B3GALT1: variants seen among roughly 807,000 people sequenced by gnomAD.
B3GALT1 encodes beta-1,3-galactosyltransferase 1, also known as UDP-Gal:betaGlcNAc beta 1,3-galactosyltransferase, polypeptide 1.
Under a neutral mutation model 23.2 loss-of-function variants are expected in B3GALT1, and 10 were observed. The observed-to-expected ratio is 0.43, with a 90% CI of 0.27 to 0.73. The LOEUF (loss-of-function observed/expected upper bound fraction) is 0.73, where lower values mean the gene tolerates loss of function less well. B3GALT1 is among the 30% of genes least tolerant of loss of function. The pLI, the probability that B3GALT1 is intolerant of heterozygous loss-of-function variation, is 0.21. For missense variants in B3GALT1, 299 were observed against 405.4 expected (o/e 0.74, Z 2.25); for synonymous variants, 156 against 141.5 (o/e 1.10, Z -0.73).
chr2:167,517,218 T>G (rs1409964641), intron 2 of B3GALT1, among the ~76,000 whole-genome samples: 2 of 151,498 alleles, frequency 1.3e-5, no homozygotes, highest in Admixed American at 1.3e-4. Context: ...GTTTTATTGT[T>G]AAGGTTTTTT....
intron 3 of B3GALT1, chr2:167,713,976 CAG>C (rs771750543): frequency 1.7e-5 from 26 of 1,556,230 alleles, no homozygotes; most frequent in Non-Finnish European, 2.0e-5. Context: ...CCACTGATTG[CAG>C]CAAGAGGTGG....
chr2:167,831,048 C>G (rs1340238814), intron 4 of B3GALT1, among the ~76,000 whole-genome samples: 1 of 152,232 alleles, frequency 6.6e-6, no homozygotes, highest in Non-Finnish European at 1.5e-5. Flanking sequence ...TCTACAAAAT[C>G]TAGTTATTAC....
intron 1 of B3GALT1, among the ~76,000 whole-genome samples, chr2:167,446,558 C>T (rs544283295): frequency 1.1e-4 from 17 of 152,206 alleles, no homozygotes; most frequent in South Asian, 4.1e-4. Flanking sequence ...AGGCTTTGTT[C>T]GTTTCTTTTT....
intron 1 of B3GALT1, among the ~76,000 whole-genome samples, chr2:167,387,629 A>G (rs1697948757): frequency 6.6e-6 from 1 of 152,224 alleles, no homozygotes; most frequent in African/African-American, 2.4e-5. Flanking sequence ...ATTCGTTACT[A>G]ATGAATCAAT....
intron 1 of B3GALT1, among the ~76,000 whole-genome samples, chr2:167,474,813 T>C (rs1699467778): frequency 6.6e-6 from 1 of 152,192 alleles, no homozygotes; most frequent in Non-Finnish European, 1.5e-5. Flanking sequence ...GATGTTAAAA[T>C]GTAAATTATT....
chr2:167,855,499 A>G (rs939401750), intron 4 of B3GALT1, among the ~76,000 whole-genome samples: 1 of 152,188 alleles, frequency 6.6e-6, no homozygotes, highest in African/African-American at 2.4e-5. Flanking sequence ...AGACTGTCAC[A>G]TACAGAAGGT....
intron 1 of B3GALT1, among the ~76,000 whole-genome samples, chr2:167,325,287 A>G (rs1221080117): frequency 3.3e-5 from 5 of 151,910 alleles, no homozygotes; most frequent in Admixed American, 2.6e-4. Flanking sequence ...AGACTAGGTA[A>G]TTTATAAGGA....
At position 167,546,244 on chromosome 2, in the gene B3GALT1, C is replaced by T. The variant is rs986276974; in HGVS notation, c.-410+55967C>T. Among the ~76,000 whole-genome samples the T allele has an allele frequency of 4.6e-5, 7 of 152,320 alleles. No individual in the cohort carries two copies. The East Asian group carries it at 1.4e-3, about 29-fold the overall frequency. On this transcript the variant is annotated intron_variant, in intron 2 of 4. Coordinates refer to ENST00000392690, the MANE Select transcript of B3GALT1 (RefSeq NM_020981.4). Reference sequence around the variant, plus strand: ...ATGGAATCCTGGATGGTATTGCCCTCTCTCAGCTATGATATATGACATAAC... The same window carrying T: ...ATGGAATCCTGGATGGTATTGCCCTTTCTCAGCTATGATATATGACATAAC...
At chr2:167,700,847 G>GT (rs1376222111) in intron 3 of B3GALT1, among the ~76,000 whole-genome samples, 2 of 152,136 alleles carry the variant, frequency 1.3e-5, no homozygotes, top group Non-Finnish European at 2.9e-5. Context: ...TCACCTAGGG[G>GT]TAGGGGAGGG....
In B3GALT1 at chr2:167,508,448, CG is replaced by C. The variant is rs1699956126; in HGVS notation, c.-410+18175del. ...TAATTTTTTATATTTTTAGTAGAGA[CG>C]GGGTTTCACCGTGTTAGCCAGGATA... On this transcript the variant is annotated intron_variant, in intron 2 of 4. Coordinates refer to ENST00000392690, the MANE Select transcript of B3GALT1 (RefSeq NM_020981.4). Among the ~76,000 whole-genome samples, 3 of 151,628 alleles carry C rather than the reference CG, an allele frequency of 2.0e-5. No individual in the cohort carries two copies. In the South Asian group the frequency reaches 6.3e-4, roughly 32 times the overall value.
intron 1 of B3GALT1, among the ~76,000 whole-genome samples, chr2:167,332,473 A>T (rs963422098): frequency 2.6e-5 from 4 of 152,236 alleles, no homozygotes; most frequent in African/African-American, 9.6e-5. Flanking sequence ...GACAGTGCAC[A>T]CAAACATATA....
At chr2:167,834,194 A>G (rs1689410500) in intron 4 of B3GALT1, among the ~76,000 whole-genome samples, 2 of 152,210 alleles carry the variant, frequency 1.3e-5, no homozygotes, top group African/African-American at 4.8e-5. Context: ...TTATACTCAG[A>G]TTAAAAGGAG....
intron 2 of B3GALT1, among the ~76,000 whole-genome samples, chr2:167,603,558 A>G (rs1414722380): frequency 6.6e-6 from 1 of 152,242 alleles, no homozygotes; most frequent in East Asian, 1.9e-4. Flanking sequence ...CTCATTAGGC[A>G]GCCTCTTCCT....
chr2:167,600,847 GAAT>G (rs2105423619), intron 2 of B3GALT1, among the ~76,000 whole-genome samples: 1 of 151,226 alleles, frequency 6.6e-6, no homozygotes, highest in Admixed American at 6.6e-5. Context: ...TGGTTATGAT[GAAT>G]AATGTTTTAT....
intron 4 of B3GALT1, among the ~76,000 whole-genome samples, chr2:167,860,227 A>G (rs1229217708): frequency 1.3e-5 from 2 of 152,212 alleles, no homozygotes; most frequent in Non-Finnish European, 1.5e-5. Flanking sequence ...CTCATATGCC[A>G]TCTCCAAGGA....
At chr2:167,663,421 A>T (rs1242330680) in intron 3 of B3GALT1, among the ~76,000 whole-genome samples, 2 of 152,076 alleles carry the variant, frequency 1.3e-5, no homozygotes, top group South Asian at 2.1e-4. Flanking sequence ...CAATAAACAT[A>T]CGTGTGCATG....
intron 1 of B3GALT1, among the ~76,000 whole-genome samples, chr2:167,395,065 T>C (rs1260526841): frequency 6.6e-6 from 1 of 152,172 alleles, no homozygotes; most frequent in Non-Finnish European, 1.5e-5. Context: ...TTTGAGTTGA[T>C]AATATTAGAG....
At chr2:167,530,744 C>T (rs1574121721) in intron 2 of B3GALT1, among the ~76,000 whole-genome samples, 1 of 152,198 alleles carries the variant, frequency 6.6e-6, no homozygotes, top group South Asian at 2.1e-4. Context: ...CAGCCATTCA[C>T]AACCTTGATG....
chr2:167,569,747 G>A (rs539775051), intron 2 of B3GALT1, among the ~76,000 whole-genome samples: 6 of 152,010 alleles, frequency 3.9e-5, no homozygotes, highest in African/African-American at 1.4e-4. Context: ...TCTGATCTTA[G>A]TAGGAAAGCT....
Sources: gnomAD v4.1 joint callset for allele counts (sites outside exome capture counted in the v4.1 genomes callset) on GRCh38, gnomAD v4.1.1 for gene constraint, MANE v1.5 for transcripts, NCBI Gene and HGNC (gene_info 2026-07-23, HGNC 2026-07-21) for gene names.